Variants in SEZ6L observed in about 807,000 individuals in gnomAD.
The protein encoded by SEZ6L is seizure 6-like protein.
In SEZ6L, 37 loss-of-function variants were observed where a neutral mutation model predicts 106.2. The ratio of observed to expected loss-of-function variants is 0.35; its 90% CI spans 0.27 to 0.46. SEZ6L has a LOEUF of 0.46. SEZ6L is among the 20% of genes least tolerant of loss of function. The pLI, the probability that SEZ6L is intolerant of heterozygous loss-of-function variation, is 1.00. For missense variants in SEZ6L, 1,172 were observed against 1,332.8 expected (o/e 0.88, Z 1.88); for synonymous variants, 541 against 570.4 (o/e 0.95, Z 0.73).
intron 1 of SEZ6L, among the ~76,000 whole-genome samples, chr22:26,212,824 G>A (rs2078199145): frequency 6.6e-6 from 1 of 152,148 alleles, no homozygotes; most frequent in Non-Finnish European, 1.5e-5. Context: ...AGCCAAATGT[G>A]GTCCCTGGAG....
At chr22:26,305,594 T>C (rs2081604341) in intron 5 of SEZ6L, among the ~76,000 whole-genome samples, 1 of 152,250 alleles carries the variant, frequency 6.6e-6, no homozygotes, top group Non-Finnish European at 1.5e-5. Flanking sequence ...ATATTTCTTC[T>C]TTTGTGAACT....
intron 6 of SEZ6L, 130 bp from the exon 7 acceptor site, chr22:26,310,540 A>AG: frequency 9.7e-7 from 1 of 1,028,792 alleles, no homozygotes; most frequent in Non-Finnish European, 1.4e-6. Flanking sequence ...CTGTCAAAAA[A>AG]AAAGAGGCAG....
intron 8 of SEZ6L, 81 bp from the exon 9 acceptor site, chr22:26,313,683 A>G: frequency 6.5e-7 from 1 of 1,541,576 alleles, no homozygotes; most frequent in Non-Finnish European, 8.9e-7. Context: ...GTCTGACTTC[A>G]TAGCCCACAT....
chr22:26,332,676 G>A (rs1053400052), intron 9 of SEZ6L, among the ~76,000 whole-genome samples: 3 of 152,154 alleles, frequency 2.0e-5, no homozygotes, highest in African/African-American at 7.2e-5. Context: ...TTGAACTCCT[G>A]AACTCAAGTG....
At chr22:26,361,061 T>G (rs1568943189) in intron 12 of SEZ6L, among the ~76,000 whole-genome samples, 1 of 152,298 alleles carries the variant, frequency 6.6e-6, no homozygotes, top group South Asian at 2.1e-4. Context: ...ATGAACTTTT[T>G]GTGAGTCGTT....
intron 1 of SEZ6L, chr22:26,292,156 GGAA>G (rs1421218138): frequency 4.7e-6 from 2 of 426,042 alleles, no homozygotes; most frequent in East Asian, 7.1e-5. Context: ...AAGGAAGGAA[GGAA>G]GGAAGGAGGA....
intron 9 of SEZ6L, among the ~76,000 whole-genome samples, chr22:26,337,738 C>T (rs1045415969): frequency 2.6e-5 from 4 of 152,086 alleles, no homozygotes; most frequent in Non-Finnish European, 5.9e-5. Flanking sequence ...GTCTTGAAGA[C>T]ATGTGTGCAA....
At position 26,306,030 on chromosome 22, in the gene SEZ6L, C is replaced by T. The variant is rs1209189991; in HGVS notation, c.1400C>T (p.Pro467Leu). The T allele has an allele frequency of 6.2e-7, 1 of 1,614,040 alleles. No individual in the cohort carries two copies. Among genetic ancestry groups the T allele is most frequent in the Admixed American group, 1.7e-5 (1 of 60,000 alleles). ...HNATIGRVLS[P>L]SYPENTNGSQ... is the part of the protein sequence containing the mutation. ...GCCACCATCGGCCGCGTCCTCTCCC[C>T]AAGTTACCCTGAAAACACAAATGGG... The change falls in exon 6 of 17, where the codon CCA becomes CTA. Residue 467 changes from proline to leucine, a missense_variant. Coordinates refer to ENST00000248933, the MANE Select transcript of SEZ6L (RefSeq NM_021115.5).
chr22:26,289,045 A>T (rs1033356702), intron 1 of SEZ6L, among the ~76,000 whole-genome samples: 1 of 152,268 alleles, frequency 6.6e-6, no homozygotes, highest in Admixed American at 6.5e-5. Flanking sequence ...ACAATGTCTG[A>T]GCTAGAAAGG....
chr22:26,280,308 C>G (rs2080721476), intron 1 of SEZ6L, among the ~76,000 whole-genome samples: 1 of 152,084 alleles, frequency 6.6e-6, no homozygotes, highest in Non-Finnish European at 1.5e-5. Context: ...AAAAAAAGGT[C>G]TATAATGAAA....
At chr22:26,354,250 G>T (rs904431447) in intron 12 of SEZ6L, among the ~76,000 whole-genome samples, 7 of 152,250 alleles carry the variant, frequency 4.6e-5, no homozygotes, top group African/African-American at 7.2e-5. Context: ...TAAGATGGGT[G>T]TTGATCCAAT....
At chr22:26,283,877 G>A (rs2080850606) in intron 1 of SEZ6L, among the ~76,000 whole-genome samples, 1 of 152,144 alleles carries the variant, frequency 6.6e-6, no homozygotes, top group Non-Finnish European at 1.5e-5. Context: ...AGATGAAGGT[G>A]CACATATGTG....
At position 26,380,763 on chromosome 22, in the gene SEZ6L, ATT is replaced by A. The variant is rs1011470565; in HGVS notation, c.*470_*471del. 2 of 155,034 alleles carry A rather than the reference ATT, an allele frequency of 1.3e-5. No homozygotes were observed. The highest frequency in any genetic ancestry group is 4.8e-5 in the African/African-American group (2 of 41,504). 9.6% of individuals were successfully genotyped at this position (155,034 alleles called of 1,614,324 possible). On this transcript the variant is annotated 3_prime_UTR_variant, in exon 17 of 17. Transcript: ENST00000248933. ...GAATTTAGCATGGGTACTTAAACCC[ATT>A]TGGAGAGCTGTGCTCCTAAACAAAT...
intron 10 of SEZ6L, among the ~76,000 whole-genome samples, chr22:26,344,728 A>G (rs1314824849): frequency 6.6e-6 from 1 of 152,208 alleles, no homozygotes; most frequent in Non-Finnish European, 1.5e-5. Flanking sequence ...CAAACAAACA[A>G]ACGAATCCAT....
At chr22:26,298,365 C>G (rs1304284386) in intron 4 of SEZ6L, among the ~76,000 whole-genome samples, 2 of 152,198 alleles carry the variant, frequency 1.3e-5, no homozygotes, top group Admixed American at 6.5e-5. Flanking sequence ...CCCATGCACC[C>G]TTTTACTACC....
intron 1 of SEZ6L, among the ~76,000 whole-genome samples, chr22:26,288,590 C>A (rs1382223588): frequency 1.3e-5 from 2 of 152,118 alleles, no homozygotes; most frequent in African/African-American, 4.8e-5. Context: ...GCTGTGTGAC[C>A]TCAAAAAGTG....
At chr22:26,343,009 TTA>T (rs936220517) in intron 10 of SEZ6L, among the ~76,000 whole-genome samples, 17 of 152,334 alleles carry the variant, frequency 1.1e-4, no homozygotes, top group African/African-American at 3.4e-4. Context: ...ATCTTCTTTT[TTA>T]TGTTTCCCAG....
chr22:26,257,515 T>C (rs1490855098), intron 1 of SEZ6L, among the ~76,000 whole-genome samples: 1 of 152,330 alleles, frequency 6.6e-6, no homozygotes, highest in South Asian at 2.1e-4. Flanking sequence ...AAGAAGAATG[T>C]AATGGCAGAC....
intron 1 of SEZ6L, among the ~76,000 whole-genome samples, chr22:26,183,483 A>C (rs1939543783): frequency 1.3e-5 from 2 of 152,210 alleles, no homozygotes; most frequent in Non-Finnish European, 2.9e-5. Context: ...CTATAGCCCT[A>C]GTTGCTATTG....
Sources: allele counts gnomAD v4.1 joint callset (sites outside exome capture counted in the v4.1 genomes callset), GRCh38; gene constraint gnomAD v4.1.1; transcripts MANE v1.5; gene names NCBI Gene and HGNC (gene_info 2026-07-23, HGNC 2026-07-21).